The following RGS6 variants were observed in gnomAD, a reference collection of about 807,000 sequenced individuals.
The protein encoded by RGS6 is regulator of G-protein signaling 6.
Under a neutral mutation model 78.5 loss-of-function variants are expected in RGS6, and 30 were observed. The ratio of observed to expected loss-of-function variants is 0.38; its 90% CI spans 0.29 to 0.52. The LOEUF is 0.52. Ranked by LOEUF, RGS6 falls within the 20% of genes least tolerant of loss-of-function variation. The pLI, the probability that RGS6 is intolerant of heterozygous loss-of-function variation, is 0.85. For synonymous variants in RGS6, 206 were observed against 206.0 expected (o/e 1.00, Z 0.00); for missense variants, 495 against 609.7 (o/e 0.81, Z 1.98).
rs796130770 is a variant in RGS6, at chr14:72,390,693, A to G, written c.184+38499A>G. ...ACCACTTACCATGATTGCTGCCAGA[A>G]AGGGTAAACCTTAGAATCATAATAC... On this transcript the variant is annotated intron_variant, in intron 3 of 17. Coordinates refer to ENST00000553525, the MANE Select transcript of RGS6 (RefSeq NM_001204424.2). Among the ~76,000 whole-genome samples the G allele has an allele frequency of 2.0e-4, 30 of 152,308 alleles. 2 individuals are homozygous for G. Among genetic ancestry groups the G allele is most frequent in the African/African-American group, 6.7e-4 (28 of 41,570 alleles).
At chr14:71,984,836 TC>T (rs2094621685) in intron 2 of RGS6, among the ~76,000 whole-genome samples, 1 of 152,182 alleles carries the variant, frequency 6.6e-6, no homozygotes, top group South Asian at 2.1e-4. Context: ...GAATTTTTTT[TC>T]CATTCCTCTT....
At chr14:72,154,131 T>G (rs539835713) in intron 2 of RGS6, among the ~76,000 whole-genome samples, 1 of 152,328 alleles carries the variant, frequency 6.6e-6, no homozygotes, top group East Asian at 1.9e-4. Flanking sequence ...TCTCTCCTAC[T>G]TGCACAACCG....
At chr14:72,611,074 C>A in the RGS6 span, among the ~76,000 whole-genome samples, 4 of 152,324 alleles carry the variant, frequency 2.6e-5, no homozygotes, top group East Asian at 7.7e-4. Flanking sequence ...CACTGGGAGT[C>A]ATGTGCCATC....
chr14:72,459,511 G>A (rs1818796099), intron 5 of RGS6, 121 bp from the exon 6 acceptor site: 2 of 850,730 alleles, frequency 2.4e-6, no homozygotes, highest in African/African-American at 1.7e-5. Flanking sequence ...AGAATTGTGG[G>A]GTAGCATCAG....
intron 12 of RGS6, among the ~76,000 whole-genome samples, chr14:72,481,831 C>T (rs529013028): frequency 1.2e-3 from 141 of 119,720 alleles, no homozygotes; most frequent in African/African-American, 4.2e-3. Context: ...TTTTTTGAGA[C>T]GGAGTCTTGC....
At chr14:71,875,626 T>C in the RGS6 span, among the ~76,000 whole-genome samples, 1 of 152,178 alleles carries the variant, frequency 6.6e-6, no homozygotes, top group South Asian at 2.1e-4. Flanking sequence ...TTGAAGGGTT[T>C]TTTGTGTCTC....
chr14:72,117,202 G>C (rs2095915378), intron 2 of RGS6, among the ~76,000 whole-genome samples: 1 of 152,110 alleles, frequency 6.6e-6, no homozygotes, highest in South Asian at 2.1e-4. Flanking sequence ...TGCAGCATGG[G>C]TGATATGGTT....
At chr14:72,321,305 A>T (rs562712710) in intron 2 of RGS6, among the ~76,000 whole-genome samples, 9 of 151,952 alleles carry the variant, frequency 5.9e-5, no homozygotes, top group South Asian at 2.1e-4. Context: ...AGATTTTTTT[A>T]AAAAAGCAAT....
chr14:72,323,800 CAAAAAAAAAAAAAAAAAAAAAAAAAAAAA>C (rs58303649), intron 2 of RGS6, among the ~76,000 whole-genome samples: 3 of 16,794 alleles, frequency 1.8e-4, no homozygotes, highest in African/African-American at 6.6e-4. Flanking sequence ...GACTCCATCT[CAAAAAAAAAAAAAAAAAAAAAAAAAAAAA>C]AAAAAAAAAA....
intron 15 of RGS6, among the ~76,000 whole-genome samples, chr14:72,519,473 ACT>A (rs1198495302): frequency 6.6e-6 from 1 of 152,144 alleles, no homozygotes; most frequent in Non-Finnish European, 1.5e-5. Context: ...GATTTAGGAA[ACT>A]CAGTGTAGCT....
upstream of RGS6, among the ~76,000 whole-genome samples, chr14:71,929,443 A>G (rs1458677365): frequency 2.0e-5 from 3 of 152,226 alleles, no homozygotes. Context: ...CATTCTCAGC[A>G]TATCATATCA....
the RGS6 span, among the ~76,000 whole-genome samples, chr14:71,921,429 T>C: frequency 6.6e-6 from 1 of 152,240 alleles, no homozygotes; most frequent in Non-Finnish European, 1.5e-5. Context: ...CCCATGTTTA[T>C]TGCAACATCA....
At chr14:72,373,438 G>A (rs935968546) in intron 3 of RGS6, among the ~76,000 whole-genome samples, 5 of 152,186 alleles carry the variant, frequency 3.3e-5, no homozygotes, top group African/African-American at 1.2e-4. Flanking sequence ...GAAATTTTTA[G>A]AGGCCTTAAA....
At chr14:71,938,170 A>G (rs2089871212) in intron 1 of RGS6, among the ~76,000 whole-genome samples, 1 of 152,180 alleles carries the variant, frequency 6.6e-6, no homozygotes, top group Admixed American at 6.5e-5. Flanking sequence ...CTTACATGGG[A>G]TACAGATAGC....
intron 17 of RGS6, among the ~76,000 whole-genome samples, chr14:72,544,656 T>C (rs1481464406): frequency 6.6e-6 from 1 of 152,184 alleles, no homozygotes; most frequent in Non-Finnish European, 1.5e-5. Context: ...CGACAGGCTT[T>C]CCTGTCCTGC....
chr14:72,204,577 AG>A (rs1449061562), intron 2 of RGS6, among the ~76,000 whole-genome samples: 1 of 152,246 alleles, frequency 6.6e-6, no homozygotes, highest in Middle Eastern at 3.2e-3. Context: ...GAGGCTGGAA[AG>A]TCCAAAGGCA....
At chr14:72,405,669 C>T (rs958459498) in intron 3 of RGS6, among the ~76,000 whole-genome samples, 36 of 152,186 alleles carry the variant, frequency 2.4e-4, no homozygotes, top group African/African-American at 7.7e-4. Context: ...CCCATGTGGC[C>T]TTGTGTCATC....
intron 2 of RGS6, among the ~76,000 whole-genome samples, chr14:72,006,439 G>C (rs1318006362): frequency 6.6e-6 from 1 of 152,182 alleles, no homozygotes; most frequent in African/African-American, 2.4e-5. Flanking sequence ...AGGTTTCCGT[G>C]TTGGGCTGTT....
At chr14:72,508,071 GGT>G (rs1195548175) in intron 13 of RGS6, among the ~76,000 whole-genome samples, 1 of 152,194 alleles carries the variant, frequency 6.6e-6, no homozygotes, top group African/African-American at 2.4e-5. Context: ...GGCCTAGCCT[GGT>G]ACTTTGGAAG....
Sources: gnomAD v4.1 joint callset for allele counts (sites outside exome capture counted in the v4.1 genomes callset) on GRCh38, gnomAD v4.1.1 for gene constraint, MANE v1.5 for transcripts, NCBI Gene and HGNC (gene_info 2026-07-23, HGNC 2026-07-21) for gene names.